Variants in SUCO observed in about 807,000 individuals in gnomAD.
The protein encoded by SUCO is SUN domain containing ossification factor.
Under a neutral mutation model 148.1 loss-of-function variants are expected in SUCO, and 57 were observed. The ratio of observed to expected loss-of-function variants is 0.38; its 90% confidence interval spans 0.31 to 0.48. SUCO has a LOEUF of 0.48. Among genes scored for constraint, SUCO ranks in the 20% least tolerant of loss-of-function variants. The pLI, the probability that SUCO is intolerant of heterozygous loss-of-function variation, is 0.96. For synonymous variants in SUCO, 470 were observed against 502.7 expected (o/e 0.93, Z 0.87); for missense variants, 1,331 against 1,468.2 (o/e 0.91, Z 1.53).
chr1:172,577,684 A>T, intron 12 of SUCO, 80 bp from the exon 13 acceptor site: 2 of 1,574,372 alleles, frequency 1.3e-6, no homozygotes, highest in Non-Finnish European at 1.7e-6. Flanking sequence ...GAAATGTTAT[A>T]ATGAAAAAAC....
chr1:172,596,098 G>A (rs941510141), intron 19 of SUCO, among the ~76,000 whole-genome samples: 1 of 152,124 alleles, frequency 6.6e-6, no homozygotes, highest in Non-Finnish European at 1.5e-5. Flanking sequence ...CATGAGTCAC[G>A]TAGTTCTCGT....
intron 19 of SUCO, 96 bp from the exon 20 acceptor site, chr1:172,599,968 A>T (rs189604390): frequency 1.2e-6 from 1 of 828,232 alleles, no homozygotes; most frequent in Admixed American, 3.6e-5. Flanking sequence ...TTGTTTTGGA[A>T]TAACTTAATG....
chr1:172,592,469 G>A (rs1430617429), intron 19 of SUCO, among the ~76,000 whole-genome samples: 1 of 152,110 alleles, frequency 6.6e-6, no homozygotes, highest in South Asian at 2.1e-4. Flanking sequence ...TGTAAGGAAG[G>A]GATCCAGTTT....
intron 15 of SUCO, among the ~76,000 whole-genome samples, chr1:172,581,349 G>A (rs1189858696): frequency 6.6e-6 from 1 of 152,160 alleles, no homozygotes; most frequent in Non-Finnish European, 1.5e-5. Flanking sequence ...GATAAGATGG[G>A]TGGGAGGATG....
intron 17 of SUCO, 139 bp from the exon 18 acceptor site, chr1:172,588,621 G>A: frequency 7.8e-7 from 1 of 1,274,986 alleles, no homozygotes; most frequent in Non-Finnish European, 1.0e-6. Context: ...TTTTGTAGGT[G>A]AAACATTTAT....
At chr1:172,581,563 T>C (rs1401755308) in intron 15 of SUCO, among the ~76,000 whole-genome samples, 1 of 152,206 alleles carries the variant, frequency 6.6e-6, no homozygotes, top group Non-Finnish European at 1.5e-5. Context: ...CAAGGTGGTA[T>C]AACTTGAAGA....
chr1:172,589,493 A>G lies in SUCO; in HGVS notation c.2392A>G (p.Lys798Glu). The G allele has an allele frequency of 1.2e-6, 2 of 1,611,210 alleles. No homozygotes were observed. The highest frequency in any genetic ancestry group is 1.7e-5 in the Admixed American group (1 of 59,316). ...ACCATCTATTACCTATGAAACAAAT[A>G]AAGTTAATGAGTTAATGGATAATAT... Reference protein sequence around the residue: ...EKPSITYETNKVNELMDNIIK... With the variant: ...EKPSITYETNEVNELMDNIIK... Residue 798 changes from lysine to glutamate, a missense_variant, in exon 18 of 24, where the codon AAA becomes GAA. Lys to Glu is a moderately conservative substitution (Grantham distance 56). Around this residue, in one of 3 missense-constraint regions of SUCO, gnomAD observed 992 missense variants for 1,093.5 expected, o/e 0.91. Coordinates refer to ENST00000263688, the MANE Select transcript of SUCO (RefSeq NM_014283.5).
At position 172,533,447 on chromosome 1, in the gene SUCO, C is replaced by T; in HGVS notation, c.12C>T (p.His4=). MKK[H]RRALALVSCL... is the part of the protein sequence containing the mutation. The stretch of plus-strand genomic sequence containing the variant: ...AGAAGGAGGAGAAGATGAAGAAGCA[C>T]CGGCGGGCCTTGGCCCTGGTCTCCT... The change falls in exon 1 of 24, where the codon CAC becomes CAT. Residue 4 remains histidine (H), a synonymous_variant. Transcript: ENST00000263688. 2 of 1,564,564 alleles carry T rather than the reference C, an allele frequency of 1.3e-6. No homozygotes were observed. Among genetic ancestry groups the T allele is most frequent in the Non-Finnish European group, 1.7e-6 (2 of 1,154,242 alleles).
At chr1:172,598,703 G>A (rs1657292923) in intron 19 of SUCO, among the ~76,000 whole-genome samples, 1 of 152,184 alleles carries the variant, frequency 6.6e-6, no homozygotes, top group African/African-American at 2.4e-5. Flanking sequence ...TATATTAATA[G>A]TATTGGAAGT....
rs766394343 is a variant in SUCO, at chr1:172,588,953, A to C, written c.1852A>C (p.Ser618Arg). ...TGAGTCAGAGACACAAATATTTTGC[A>C]GTGAACTGACCACAATTTGTTGTAT... ...WFESETQIFC[S>R]ELTTICCISS... The change falls in exon 18 of 24, where the codon AGT (serine) becomes CGT (arginine). Residue 618 changes from serine to arginine, a missense_variant. Ser to Arg is a moderately radical substitution (Grantham distance 110). Transcript: ENST00000263688. 1.4e-4 allele frequency: 227 copies of C among 1,611,310 alleles called. No homozygotes were observed. Among genetic ancestry groups the C allele is most frequent in the Non-Finnish European group, 1.8e-4 (214 of 1,178,792 alleles).
chr1:172,600,846 G>T (rs1388394972), intron 20 of SUCO, among the ~76,000 whole-genome samples: 1 of 152,006 alleles, frequency 6.6e-6, no homozygotes, highest in Non-Finnish European at 1.5e-5. Context: ...ACATTGCCTG[G>T]AATGATAACA....
At chr1:172,536,397 A>G (rs1054224335) in intron 1 of SUCO, among the ~76,000 whole-genome samples, 2 of 152,210 alleles carry the variant, frequency 1.3e-5, no homozygotes, top group African/African-American at 4.8e-5. Context: ...CATACTTCAC[A>G]GGGTTGTTAG....
upstream of SUCO, chr1:172,532,930 C>A: frequency 7.3e-7 from 1 of 1,363,228 alleles, no homozygotes; most frequent in South Asian, 1.5e-5. Flanking sequence ...TTGTGGTCTC[C>A]TGCCTCCGGC....
chr1:172,564,486 G>A (rs1472929188), intron 6 of SUCO, among the ~76,000 whole-genome samples: 1 of 152,102 alleles, frequency 6.6e-6, no homozygotes, highest in African/African-American at 2.4e-5. Flanking sequence ...TCTTTCTCCT[G>A]CGCCACCATG....
intron 15 of SUCO, among the ~76,000 whole-genome samples, chr1:172,581,377 A>C (rs867859095): frequency 6.6e-6 from 1 of 152,164 alleles, no homozygotes; most frequent in East Asian, 1.9e-4. Context: ...AGTCTCTAAA[A>C]TGAGATTTAA....
At chr1:172,547,913 GGA>G (rs1257968969) in intron 1 of SUCO, among the ~76,000 whole-genome samples, 1 of 152,006 alleles carries the variant, frequency 6.6e-6, no homozygotes, top group Non-Finnish European at 1.5e-5. Flanking sequence ...GGGAACAGAG[GGA>G]GAGAGGAAGG....
At position 172,570,953 on chromosome 1, in the gene SUCO, A is replaced by G. The variant is rs891636247; in HGVS notation, c.1049+223A>G. Among the ~76,000 whole-genome samples, 7 of 152,342 alleles carry G rather than the reference A, an allele frequency of 4.6e-5. No individual in the cohort carries two copies. In the Middle Eastern group the frequency reaches 0.01, roughly 222 times the overall value. Reference sequence around the variant, plus strand: ...TGGTTAAACAATTATGAAATGGTATAAAAAGTACTGTTGAAAGGGTGTTAT... The same window carrying G: ...TGGTTAAACAATTATGAAATGGTATGAAAAGTACTGTTGAAAGGGTGTTAT... On this transcript the variant is annotated intron_variant, in intron 9 of 23. Coordinates refer to ENST00000263688, the MANE Select transcript of SUCO (RefSeq NM_014283.5).
At chr1:172,585,777 C>T in intron 16 of SUCO, 81 bp from the exon 17 acceptor site, 2 of 995,378 alleles carry the variant, frequency 2.0e-6, no homozygotes, top group Non-Finnish European at 1.5e-6. Flanking sequence ...TCTTCTCTTC[C>T]AAGAAATTTG....
intron 9 of SUCO, among the ~76,000 whole-genome samples, chr1:172,571,119 G>C (rs539120581): frequency 1.3e-5 from 2 of 152,362 alleles, no homozygotes; most frequent in East Asian, 3.9e-4. Flanking sequence ...TAAGAATAAG[G>C]GGGGTACTGC....
Sources: allele counts gnomAD v4.1 joint callset (sites outside exome capture counted in the v4.1 genomes callset), GRCh38; gene constraint gnomAD v4.1.1; regional missense constraint gnomAD v4.1.1; transcripts MANE v1.5; gene names NCBI Gene and HGNC (gene_info 2026-07-23, HGNC 2026-07-21).